Variants in WDFY2 observed in about 807,000 individuals in gnomAD.
The protein encoded by WDFY2 is WD repeat and FYVE domain containing 2.
WDFY2 carries 36 observed loss-of-function variants against 56.4 expected under a neutral mutation model. The observed-to-expected ratio is 0.64, with a 90% confidence interval of 0.49 to 0.84. The LOEUF is 0.84. Ranked by LOEUF, WDFY2 falls within the 40% of genes least tolerant of loss-of-function variation. WDFY2 has a pLI of 0.00. For synonymous variants in WDFY2, 176 were observed against 183.7 expected, an observed-to-expected ratio of 0.96 and a Z score of 0.34; for missense variants, 444 against 512.2, an observed-to-expected ratio of 0.87 and a Z score of 1.29.
intron 9 of WDFY2, 135 bp downstream of exon 9, chr13:51,755,594 C>A: frequency 1.3e-6 from 1 of 794,516 alleles, no homozygotes; most frequent in Non-Finnish European, 2.0e-6. Flanking sequence ...CTCGTGATTG[C>A]ACAGTAATTT....
At chr13:51,585,989 T>C (rs1953929838) in intron 1 of WDFY2, 1 of 398,444 alleles carries the variant, frequency 2.5e-6, no homozygotes, top group South Asian at 1.3e-4. Context: ...TACATCATGC[T>C]CAATACAAAT....
At chr13:51,724,267 C>G (rs1469701073) in intron 5 of WDFY2, among the ~76,000 whole-genome samples, 3 of 100,590 alleles carry the variant, frequency 3.0e-5, no homozygotes, top group Admixed American at 1.5e-4. Flanking sequence ...GATGGCGTTT[C>G]ACTCTTGCCA....
chr13:51,722,710 A>C (rs947277847), intron 5 of WDFY2, among the ~76,000 whole-genome samples: 3 of 152,224 alleles, frequency 2.0e-5, no homozygotes, highest in Non-Finnish European at 4.4e-5. Flanking sequence ...CAGAACCAGC[A>C]TTAGAATTGG....
At chr13:51,740,042 C>T (rs1476310367) in intron 7 of WDFY2, among the ~76,000 whole-genome samples, 1 of 152,198 alleles carries the variant, frequency 6.6e-6, no homozygotes, top group Non-Finnish European at 1.5e-5. Flanking sequence ...TGTAATGCTT[C>T]TATGAACTAA....
intron 6 of WDFY2, among the ~76,000 whole-genome samples, chr13:51,734,377 A>C (rs545594855): frequency 3.3e-5 from 5 of 152,368 alleles, no homozygotes; most frequent in African/African-American, 1.2e-4. Flanking sequence ...TATTCATCTT[A>C]GAAAAATTCA....
chr13:51,589,449 T>G (rs928212542), intron 1 of WDFY2: 40 of 152,182 alleles, frequency 2.6e-4, no homozygotes, highest in African/African-American at 9.2e-4. Flanking sequence ...TGTTAAAATT[T>G]TATTTCATCT....
At chr13:51,597,777 T>C (rs1191578421) in intron 1 of WDFY2, among the ~76,000 whole-genome samples, 1 of 152,246 alleles carries the variant, frequency 6.6e-6, no homozygotes, top group African/African-American at 2.4e-5. Flanking sequence ...ATTTGGTAGT[T>C]TGTTTCCCTT....
intron 1 of WDFY2, among the ~76,000 whole-genome samples, chr13:51,625,997 C>T (rs1954829467): frequency 6.6e-6 from 1 of 152,136 alleles, no homozygotes; most frequent in African/African-American, 2.4e-5. Flanking sequence ...GTTGGGTGGC[C>T]CGGAGCACCC....
At chr13:51,757,441 T>C (rs1953422211) in intron 10 of WDFY2, among the ~76,000 whole-genome samples, 1 of 148,146 alleles carries the variant, frequency 6.8e-6, no homozygotes, top group South Asian at 2.2e-4. Flanking sequence ...CCTGCAGATT[T>C]AGCTATAGAA....
chr13:51,719,318 A>G lies in WDFY2; in HGVS notation c.455A>G (p.Tyr152Cys). The change falls in exon 5 of 12, where the codon TAT (tyrosine) becomes TGT (cysteine). Residue 152 changes from tyrosine to cysteine, a missense_variant. Transcript: ENST00000298125. The part of the protein sequence containing the change: ...CSESGQRLGG[Y>C]RTSAVASGLQ... ...GAGAGTGGGCAGCGCCTGGGAGGTTATCGGACCAGTGCTGTGGCCTCAGGC... is the reference window on the plus strand; with the variant it reads ...GAGAGTGGGCAGCGCCTGGGAGGTTGTCGGACCAGTGCTGTGGCCTCAGGC... 6.2e-7 allele frequency: 1 copy of G among 1,611,760 alleles called. No individual in the cohort carries two copies. The highest frequency in any genetic ancestry group is 1.1e-5 in the South Asian group (1 of 90,760).
intron 1 of WDFY2, among the ~76,000 whole-genome samples, chr13:51,627,978 G>A (rs570337281): frequency 1.4e-4 from 21 of 152,248 alleles, no homozygotes; most frequent in Middle Eastern, 3.4e-3. Flanking sequence ...TTGGTTCGTG[G>A]GCAGCCATGG....
rs1953704898 is a variant in WDFY2 at position 51,765,007 on chromosome 13, CT to C, written c.*5240del. On this transcript the variant is annotated 3_prime_UTR_variant, in exon 12 of 12. Transcript: ENST00000298125. Reference sequence around the variant, plus strand: ...CAGCTGCTGCCCTCCACTTCCTGCTCTTGCAAGTCACAGATGATTCCAGTAC... The same window carrying C: ...CAGCTGCTGCCCTCCACTTCCTGCTCTGCAAGTCACAGATGATTCCAGTAC... 1 of 152,204 alleles carries C rather than the reference CT, an allele frequency of 6.6e-6. No individual in the cohort carries two copies. Among genetic ancestry groups the C allele is most frequent in the African/African-American group, 2.4e-5 (1 of 41,434 alleles). 9.4% of individuals were successfully genotyped at this position (152,204 alleles called of 1,614,324 possible).
At chr13:51,725,790 C>T (rs1952591315) in intron 5 of WDFY2, among the ~76,000 whole-genome samples, 2 of 151,458 alleles carry the variant, frequency 1.3e-5, no homozygotes, top group African/African-American at 2.4e-5. Flanking sequence ...ATTTCCTGGA[C>T]TCAAGCAATC....
At chr13:51,745,343 GT>G (rs1296435707) in intron 7 of WDFY2, among the ~76,000 whole-genome samples, 2 of 152,178 alleles carry the variant, frequency 1.3e-5, no homozygotes, top group Non-Finnish European at 2.9e-5. Flanking sequence ...AACTGGCAAA[GT>G]AAGTGGTTAC....
rs200509392 is a variant in WDFY2, at chr13:51,727,612, CCT to C, written c.486-65_486-64del. 1.7e-3 allele frequency: 2,553 copies of C among 1,464,464 alleles called. 35 individuals are homozygous for C. The African/African-American group carries it at 0.031, about 18-fold the overall frequency. 90.7% of individuals were successfully genotyped at this position (1,464,464 alleles called of 1,614,324 possible). A position where few individuals can be genotyped will look rare whatever the true frequency, so the allele number is the denominator to read the frequency against. ...TGCGTATTTCTTGTTACATTTATGC[CCT>C]GTTTTTTCATTGTAAATTCCCTCAT... On this transcript the variant is annotated intron_variant, in intron 5 of 11. Coordinates refer to ENST00000298125, the MANE Select transcript of WDFY2 (RefSeq NM_052950.4).
intron 1 of WDFY2, among the ~76,000 whole-genome samples, chr13:51,606,082 G>C (rs1954380454): frequency 6.6e-6 from 1 of 152,196 alleles, no homozygotes; most frequent in East Asian, 1.9e-4. Context: ...CTCCTCCACT[G>C]ACTAGCTGTG....
At chr13:51,641,653 C>T (rs913946339) in intron 1 of WDFY2, among the ~76,000 whole-genome samples, 3 of 149,228 alleles carry the variant, frequency 2.0e-5, no homozygotes, top group African/African-American at 4.9e-5. Flanking sequence ...GGTGAAACCC[C>T]GTCTCTACTA....
At position 51,584,843 on chromosome 13, in the gene WDFY2, C is replaced by G; in HGVS notation, c.137+19C>G. 1 of 1,612,228 alleles carries G rather than the reference C, an allele frequency of 6.2e-7. No homozygotes were observed. Among genetic ancestry groups the G allele is most frequent in the South Asian group, 1.1e-5 (1 of 90,906 alleles). ...AGGACAGGTATGGACTACTGCCATT[C>G]GGCCGCGAGGAGGGGCGGGACGGGC... On this transcript the variant is annotated intron_variant, in intron 1 of 11. Coordinates refer to ENST00000298125, the MANE Select transcript of WDFY2 (RefSeq NM_052950.4).
chr13:51,584,652 G>C lies in WDFY2; in HGVS notation c.-36G>C. On this transcript the variant is annotated 5_prime_UTR_variant, in exon 1 of 12. Coordinates refer to ENST00000298125, the MANE Select transcript of WDFY2 (RefSeq NM_052950.4). ...CTCCTCAGCCCGGCCCCGCGGCGCG[G>C]TTGGCGGCGGCGCCCCAGGCGCGCC... 1 of 1,595,522 alleles carries C rather than the reference G, an allele frequency of 6.3e-7. No individual in the cohort carries two copies. The highest frequency in any genetic ancestry group is 1.1e-5 in the South Asian group (1 of 89,490).
Sources: gnomAD v4.1 joint callset for allele counts (sites outside exome capture counted in the v4.1 genomes callset) on GRCh38, gnomAD v4.1.1 for gene constraint, MANE v1.5 for transcripts, NCBI Gene and HGNC (gene_info 2026-07-23, HGNC 2026-07-21) for gene names.